RAD18: variants seen among roughly 807,000 people sequenced by gnomAD.
RAD18 encodes the protein E3 ubiquitin-protein ligase RAD18.
A neutral mutation model predicts 60.4 loss-of-function variants in RAD18; 47 were observed. That is an observed-to-expected ratio of 0.78 (90% CI 0.62 to 0.99). The LOEUF (loss-of-function observed/expected upper bound fraction) is 0.99, where lower values mean the gene tolerates loss of function less well. Ranked by LOEUF, RAD18 falls within the 50% of genes least tolerant of loss-of-function variation. The probability of loss-of-function intolerance (pLI) is 0.00; values close to 1 mark genes in which losing one functional copy is unlikely to be tolerated. For missense variants in RAD18, 640 were observed against 593.3 expected (o/e 1.08, Z -0.82); for synonymous variants, 225 against 195.5 (o/e 1.15, Z -1.26).
At chr3:8,919,041 G>A (rs542161525) in intron 7 of RAD18, among the ~76,000 whole-genome samples, 26 of 152,270 alleles carry the variant, frequency 1.7e-4, no homozygotes, top group African/African-American at 5.1e-4. Flanking sequence ...GGGCATCCCC[G>A]ACCAACATGT....
chr3:8,920,967 T>C (rs1402845547), intron 7 of RAD18, among the ~76,000 whole-genome samples: 1 of 152,216 alleles, frequency 6.6e-6, no homozygotes, highest in Non-Finnish European at 1.5e-5. Context: ...AAGTTAAATC[T>C]ACTACAAGTA....
intron 7 of RAD18, among the ~76,000 whole-genome samples, chr3:8,920,171 C>T (rs200036090): frequency 2.0e-5 from 3 of 147,576 alleles, no homozygotes; most frequent in African/African-American, 2.5e-5. Context: ...CCCAGCTACT[C>T]GGGAGGCTGA....
At chr3:8,941,078 A>T (rs1940739537) in intron 5 of RAD18, among the ~76,000 whole-genome samples, 1 of 152,186 alleles carries the variant, frequency 6.6e-6, no homozygotes, top group Non-Finnish European at 1.5e-5. Context: ...TTAGGCCTCA[A>T]ATTGTCACAG....
At chr3:8,929,209 G>T (rs1940504071) in intron 7 of RAD18, among the ~76,000 whole-genome samples, 1 of 151,748 alleles carries the variant, frequency 6.6e-6, no homozygotes, top group Non-Finnish European at 1.5e-5. Context: ...AAAGTAAGTA[G>T]AAAGAAGGAA....
chr3:8,881,730 G>A (rs533904033), intron 12 of RAD18, among the ~76,000 whole-genome samples: 3 of 152,210 alleles, frequency 2.0e-5, no homozygotes, highest in Admixed American at 2.0e-4. Context: ...AGAGGGCTGG[G>A]AAAAAACGGC....
chr3:8,894,216 C>T (rs530901294), intron 11 of RAD18, among the ~76,000 whole-genome samples: 2 of 152,194 alleles, frequency 1.3e-5, no homozygotes, highest in Non-Finnish European at 1.5e-5. Flanking sequence ...AGGTTTTTGT[C>T]GCACAAACAT....
chr3:8,885,237 A>T (rs1412670599), intron 12 of RAD18, among the ~76,000 whole-genome samples: 1 of 152,176 alleles, frequency 6.6e-6, no homozygotes, highest in East Asian at 1.9e-4. Flanking sequence ...CACTGTAAAC[A>T]GGCCTGAGTT....
At chr3:8,931,800 T>C (rs1004160910) in intron 7 of RAD18, among the ~76,000 whole-genome samples, 3 of 152,160 alleles carry the variant, frequency 2.0e-5, no homozygotes, top group Non-Finnish European at 2.9e-5. Context: ...AGGACAGATA[T>C]ATAGATCAGT....
chr3:8,929,843 C>T (rs1222421131), intron 7 of RAD18, among the ~76,000 whole-genome samples: 1 of 152,054 alleles, frequency 6.6e-6, no homozygotes, highest in Admixed American at 6.5e-5. Flanking sequence ...GGGTTTCACC[C>T]TGTTGGCCAG....
At chr3:8,941,953 T>C (rs1477346818) in intron 4 of RAD18, 149 bp from the exon 5 acceptor site, 28 of 708,148 alleles carry the variant, frequency 4.0e-5, no homozygotes, top group Non-Finnish European at 6.2e-5. Flanking sequence ...TCTTCTAGTA[T>C]AACTCAAAGC....
chr3:8,895,780 C>T (rs539815965), intron 11 of RAD18, among the ~76,000 whole-genome samples: 34 of 152,200 alleles, frequency 2.2e-4, no homozygotes, highest in Non-Finnish European at 4.1e-4. Context: ...CATGCAATCA[C>T]TTTCATTAGT....
intron 9 of RAD18, among the ~76,000 whole-genome samples, chr3:8,907,948 G>A (rs1235121369): frequency 6.6e-6 from 1 of 152,174 alleles, no homozygotes; most frequent in Non-Finnish European, 1.5e-5. Flanking sequence ...GCAAGGAGTG[G>A]CCAGCAGTGC....
chr3:8,958,908 A>G lies in RAD18; in HGVS notation c.133+12T>C, dbSNP rs1941053486. On this transcript the variant is annotated intron_variant, in intron 2 of 12. Coordinates refer to ENST00000264926, the MANE Select transcript of RAD18 (RefSeq NM_020165.4). ...CGCAATTTACTAACTCACAGGAACA[A>G]AACATACTTACAGTTATGTGAACAC... 6.2e-7 allele frequency: 1 copy of G among 1,604,634 alleles called. No homozygotes were observed. Among genetic ancestry groups the G allele is most frequent in the African/African-American group, 1.3e-5 (1 of 74,732 alleles).
intron 7 of RAD18, among the ~76,000 whole-genome samples, chr3:8,925,761 G>GCA (rs1940422071): frequency 6.6e-6 from 1 of 152,070 alleles, no homozygotes; most frequent in African/African-American, 2.4e-5. Flanking sequence ...TTCAACATAT[G>GCA]CAAATCAATA....
intron 2 of RAD18, among the ~76,000 whole-genome samples, chr3:8,953,439 C>T (rs573241054): frequency 3.3e-5 from 5 of 152,212 alleles, no homozygotes; most frequent in Non-Finnish European, 7.4e-5. Context: ...AAGCCCTAGG[C>T]TTAATTTCAC....
chr3:8,944,585 G>A (rs1046963281), intron 4 of RAD18, among the ~76,000 whole-genome samples: 1 of 147,478 alleles, frequency 6.8e-6, no homozygotes, highest in Non-Finnish European at 1.5e-5. Context: ...GGGGGAGGGA[G>A]GAATAGAGAG....
chr3:8,957,444 T>C (rs998359720), intron 2 of RAD18, among the ~76,000 whole-genome samples: 3 of 152,184 alleles, frequency 2.0e-5, no homozygotes, highest in African/African-American at 7.2e-5. Flanking sequence ...GTAATCAAGA[T>C]AGTGTGGTAC....
intron 2 of RAD18, among the ~76,000 whole-genome samples, chr3:8,950,066 T>C (rs1429221002): frequency 6.6e-6 from 1 of 152,182 alleles, no homozygotes; most frequent in Non-Finnish European, 1.5e-5. Flanking sequence ...AGTCTAATTC[T>C]GTCACCCAGG....
In RAD18 at chr3:8,899,026, G is replaced by C; in HGVS notation, c.1190C>G (p.Ser397Ter). The stretch of plus-strand genomic sequence containing the variant: ...TGATTGAGAAAAGTGGTTTGTTACT[G>C]AGGTCATATTATCTTCCTGTCCTAG... Reference protein sequence around the residue: ...VCMGQEDNMTSVTNHFSQSKL... With the variant: ...VCMGQEDNMT The change falls in exon 11 of 13, where the codon TCA becomes TGA. Residue 397 changes from serine (S) to a stop codon, truncating the protein, a stop_gained. Coordinates refer to ENST00000264926, the MANE Select transcript of RAD18 (RefSeq NM_020165.4). LOFTEE classifies it high-confidence loss of function. 1 of 1,603,832 alleles carries C rather than the reference G, an allele frequency of 6.2e-7. No individual in the cohort carries two copies. The highest frequency in any genetic ancestry group is 2.2e-5 in the East Asian group (1 of 44,686).
Sources: allele counts gnomAD v4.1 joint callset (sites outside exome capture counted in the v4.1 genomes callset), GRCh38; gene constraint gnomAD v4.1.1; transcripts MANE v1.5; gene names NCBI Gene and HGNC (gene_info 2026-07-23, HGNC 2026-07-21).